The following CRB1 variants were observed in gnomAD, a reference collection of about 807,000 sequenced individuals.
CRB1 encodes the protein protein crumbs homolog 1.
Under a neutral mutation model 120.0 loss-of-function variants are expected in CRB1, and 83 were observed. The ratio of observed to expected loss-of-function variants is 0.69; its 90% confidence interval spans 0.58 to 0.83. The LOEUF (loss-of-function observed/expected upper bound fraction) is 0.83, where lower values mean the gene tolerates loss of function less well. CRB1 is among the 40% of genes least tolerant of loss of function. The pLI is 0.00. For synonymous variants in CRB1, 625 were observed against 612.5 expected (o/e 1.02, Z -0.30); for missense variants, 1,699 against 1,687.6 (o/e 1.01, Z -0.12).
At chr1:197,298,489 A>T (rs1418217423) in intron 1 of CRB1, among the ~76,000 whole-genome samples, 1 of 152,098 alleles carries the variant, frequency 6.6e-6, no homozygotes, top group East Asian at 1.9e-4. Flanking sequence ...TTTCTCCACA[A>T]ATTTTGGAGG....
intron 2 of CRB1, among the ~76,000 whole-genome samples, chr1:197,335,292 G>A (rs1263195198): frequency 2.6e-5 from 4 of 152,182 alleles, no homozygotes; most frequent in African/African-American, 7.2e-5. Context: ...GAGATGGGAT[G>A]TTATTGGAGA....
At chr1:197,354,471 C>G (rs1434820618) in intron 4 of CRB1, among the ~76,000 whole-genome samples, 1 of 152,048 alleles carries the variant, frequency 6.6e-6, no homozygotes, top group African/African-American at 2.4e-5. Flanking sequence ...CGGACGTGTT[C>G]AGAGTTTCTT....
intron 1 of CRB1, among the ~76,000 whole-genome samples, chr1:197,327,121 A>ACC (rs1558055698): frequency 1.2e-4 from 16 of 138,974 alleles, no homozygotes; most frequent in Admixed American, 1.1e-3. Flanking sequence ...AAAAAAAAAA[A>ACC]AAAAAAAAAA....
chr1:197,345,262 A>G (rs923211942), intron 3 of CRB1, among the ~76,000 whole-genome samples: 1 of 152,210 alleles, frequency 6.6e-6, no homozygotes, highest in African/African-American at 2.4e-5. Context: ...TCGACAGCTC[A>G]GTGGAAGGCA....
rs761667081 is a variant in CRB1, at chr1:197,427,902, C to A, written c.2577C>A (p.Asn859Lys). 2 of 1,613,990 alleles carry A rather than the reference C, an allele frequency of 1.2e-6. No individual in the cohort carries two copies. The highest frequency in any genetic ancestry group is 1.7e-6 in the Non-Finnish European group (2 of 1,179,962). ...KGCIQDVRLNNQNLEFFPNPT... is the reference protein window; with the variant it reads ...KGCIQDVRLNKQNLEFFPNPT... Reference sequence around the variant, plus strand: ...GTATCCAAGATGTAAGACTAAACAACCAAAATCTGGAATTCTTTCCAAATC... The same window carrying A: ...GTATCCAAGATGTAAGACTAAACAAACAAAATCTGGAATTCTTTCCAAATC... Residue 859 changes from asparagine (N) to lysine (K), a missense_variant, in exon 7 of 12, where the codon AAC (asparagine) becomes AAA (lysine). By Grantham distance (94) the Asn-to-Lys change is moderately conservative. Coordinates refer to ENST00000367400, the MANE Select transcript of CRB1 (RefSeq NM_201253.3).
intron 2 of CRB1, among the ~76,000 whole-genome samples, chr1:197,333,667 C>T (rs1658989695): frequency 6.6e-6 from 1 of 152,168 alleles, no homozygotes; most frequent in East Asian, 1.9e-4. Flanking sequence ...ATGTACTTTT[C>T]AACTATATGA....
chr1:197,450,055 C>T (rs886560185), intron 11 of CRB1, among the ~76,000 whole-genome samples: 2 of 152,174 alleles, frequency 1.3e-5, no homozygotes, highest in Admixed American at 6.5e-5. Flanking sequence ...ATAGTGCCCT[C>T]CGCTCTGCTT....
At chr1:197,401,793 A>G (rs1294552197) in intron 5 of CRB1, among the ~76,000 whole-genome samples, 3 of 152,088 alleles carry the variant, frequency 2.0e-5, no homozygotes, top group Non-Finnish European at 4.4e-5. Context: ...CATAAGTAGT[A>G]TCTCTTTCTG....
chr1:197,216,217 T>G, the CRB1 span, among the ~76,000 whole-genome samples: 1 of 152,222 alleles, frequency 6.6e-6, no homozygotes, highest in Non-Finnish European at 1.5e-5. Context: ...TGAAGAAGTT[T>G]GCTGTGCATT....
At chr1:197,216,813 C>T in the CRB1 span, among the ~76,000 whole-genome samples, 1 of 152,078 alleles carries the variant, frequency 6.6e-6, no homozygotes, top group African/African-American at 2.4e-5. Context: ...AGGACAGTTC[C>T]TTGTGATTTG....
At chr1:197,260,984 C>T in the CRB1 span, among the ~76,000 whole-genome samples, 4 of 152,208 alleles carry the variant, frequency 2.6e-5, no homozygotes, top group East Asian at 1.9e-4. Flanking sequence ...CGTGAGCCAC[C>T]GCGCCCGGCC....
chr1:197,419,197 G>A (rs1022821707), intron 5 of CRB1, among the ~76,000 whole-genome samples: 10 of 152,038 alleles, frequency 6.6e-5, no homozygotes, highest in Non-Finnish European at 1.5e-5. Flanking sequence ...AGCATAGCTG[G>A]GGTTCTGATC....
chr1:197,256,024 G>T, the CRB1 span, among the ~76,000 whole-genome samples: 2 of 110,220 alleles, frequency 1.8e-5, no homozygotes, highest in Non-Finnish European at 3.9e-5. Context: ...ATATATGTAT[G>T]TATATACACA....
At chr1:197,426,900 C>T (rs1336184717) in intron 6 of CRB1, among the ~76,000 whole-genome samples, 1 of 152,176 alleles carries the variant, frequency 6.6e-6, no homozygotes, top group Non-Finnish European at 1.5e-5. Context: ...GCCTAAATCA[C>T]ATGTTAATAG....
chr1:197,288,002 T>C (rs1334995441), intron 1 of CRB1, among the ~76,000 whole-genome samples: 1 of 151,750 alleles, frequency 6.6e-6, no homozygotes, highest in Non-Finnish European at 1.5e-5. Flanking sequence ...TTGCTTGAAC[T>C]TACTACCATG....
chr1:197,278,657 T>C lies in CRB1; in HGVS notation c.70+10175T>C, dbSNP rs530200137. 3.3e-5 allele frequency among the ~76,000 whole-genome samples: 5 copies of C among 152,084 alleles called. No homozygotes were observed. The East Asian group carries it at 9.7e-4, about 30-fold the overall frequency. Reference sequence around the variant, plus strand: ...CTTGACATCAATGGACTAAAGTCCATATTCAGGCATAAAATATTTGGAACA... The same window carrying C: ...CTTGACATCAATGGACTAAAGTCCACATTCAGGCATAAAATATTTGGAACA... On this transcript the variant is annotated intron_variant, in intron 1 of 11. Transcript: ENST00000367400.
intron 1 of CRB1, among the ~76,000 whole-genome samples, chr1:197,287,450 T>C (rs999267249): frequency 2.0e-5 from 3 of 151,814 alleles, no homozygotes; most frequent in African/African-American, 7.2e-5. Context: ...TAACTTAAAG[T>C]AGGGACTTGA....
At chr1:197,466,106 T>G (rs1416456910) in intron 11 of CRB1, among the ~76,000 whole-genome samples, 1 of 152,188 alleles carries the variant, frequency 6.6e-6, no homozygotes, top group Non-Finnish European at 1.5e-5. Flanking sequence ...AGCCTGGTGG[T>G]TTGGCATCCA....
chr1:197,393,552 A>G (rs1201723633), intron 5 of CRB1, among the ~76,000 whole-genome samples: 1 of 152,130 alleles, frequency 6.6e-6, no homozygotes, highest in Non-Finnish European at 1.5e-5. Context: ...ATTCAGTAAG[A>G]GGTGAAATTA....
Sources: gnomAD v4.1 joint callset for allele counts (sites outside exome capture counted in the v4.1 genomes callset) on GRCh38, gnomAD v4.1.1 for gene constraint, MANE v1.5 for transcripts, NCBI Gene and HGNC (gene_info 2026-07-23, HGNC 2026-07-21) for gene names.